The following GTF3C1 variants were observed in gnomAD, a reference collection of about 807,000 sequenced individuals.
The protein encoded by GTF3C1 is general transcription factor IIIC subunit 1, also known as general transcription factor 3C polypeptide 1.
In GTF3C1, 57 loss-of-function variants were observed where a neutral mutation model predicts 226.7. The ratio of observed to expected loss-of-function variants is 0.25; its 90% CI spans 0.20 to 0.31. The LOEUF (loss-of-function observed/expected upper bound fraction) is 0.31, where lower values mean the gene tolerates loss of function less well. Ranked by LOEUF, GTF3C1 falls within the 10% of genes least tolerant of loss-of-function variation. The pLI, the probability that GTF3C1 is intolerant of heterozygous loss-of-function variation, is 1.00. For missense variants in GTF3C1, 2,217 were observed against 2,776.1 expected (o/e 0.80, Z 4.53); for synonymous variants, 1,090 against 1,084.8 (o/e 1.00, Z -0.09).
intron 2 of GTF3C1, among the ~76,000 whole-genome samples, chr16:27,544,867 C>A (rs1488358312): frequency 2.0e-5 from 3 of 152,140 alleles, no homozygotes; most frequent in Non-Finnish European, 2.9e-5. Context: ...CAAGAACTGG[C>A]GTAGTGCAGG....
chr16:27,533,014 C>T (rs1299329928), intron 5 of GTF3C1, among the ~76,000 whole-genome samples: 1 of 152,142 alleles, frequency 6.6e-6, no homozygotes, highest in Non-Finnish European at 1.5e-5. Flanking sequence ...CACCTGTAAT[C>T]CCAGCTACTC....
intron 23 of GTF3C1, among the ~76,000 whole-genome samples, chr16:27,487,719 G>C (rs1164328319): frequency 6.6e-6 from 1 of 152,232 alleles, no homozygotes; most frequent in Admixed American, 6.5e-5. Context: ...CTTGAGCCCA[G>C]GAGGCGGAGG....
At chr16:27,494,436 C>T (rs1033800208) in intron 16 of GTF3C1, among the ~76,000 whole-genome samples, 1 of 151,304 alleles carries the variant, frequency 6.6e-6, no homozygotes, top group Non-Finnish European at 1.5e-5. Flanking sequence ...CAAAAAAAAC[C>T]ACGTTTTATT....
Position 27,498,824 on chromosome 16 carries a change from T to A in GTF3C1, c.2062-91A>T, listed in dbSNP as rs2088360565. ...TCGATTCCTAGTGGAACCTCAGTCA[T>A]ACCTGTTTTCATTAACATTTCCAAA... On this transcript the variant is annotated intron_variant, in intron 12 of 36. Transcript: ENST00000356183. 28 of 750,606 alleles carry A rather than the reference T, an allele frequency of 3.7e-5. No homozygotes were observed. The South Asian group carries it at 3.9e-4, about 11-fold the overall frequency. 46.5% of individuals were successfully genotyped at this position (750,606 alleles called of 1,614,324 possible).
chr16:27,519,726 A>AAG lies in GTF3C1; in HGVS notation c.974-7827_974-7826dup, dbSNP rs565772923. On this transcript the variant is annotated intron_variant, in intron 6 of 36. Coordinates refer to ENST00000356183, the MANE Select transcript of GTF3C1 (RefSeq NM_001520.4). ...AAAGAGAAAAGCAAACAAAAGAAAA[A>AAG]AGAGAGAGAGACAGAAGGAAAGAAA... Among the ~76,000 whole-genome samples, 7 of 152,326 alleles carry AAG rather than the reference A, an allele frequency of 4.6e-5. No homozygotes were observed. In the East Asian group the frequency reaches 1.3e-3, roughly 29 times the overall value.
chr16:27,462,672 G>T lies in GTF3C1; in HGVS notation c.5925-186C>A, dbSNP rs1057469949. On this transcript the variant is annotated intron_variant, in intron 35 of 36. Coordinates refer to ENST00000356183, the MANE Select transcript of GTF3C1 (RefSeq NM_001520.4). This position sits in a 1 kb window ranked among gnomAD's most constrained non-coding sequence, Gnocchi z 4.5. ...TGTCTGGACAGAGGGGCCCTTGACC[G>T]CCAGCTGGGTGGAACCAGGACGTGG... 2.8e-5 allele frequency: 16 copies of T among 575,180 alleles called. No individual in the cohort carries two copies. Among genetic ancestry groups the T allele is most frequent in the Non-Finnish European group, 4.7e-5 (15 of 321,772 alleles). 35.6% of individuals were successfully genotyped at this position (575,180 alleles called of 1,614,324 possible).
chr16:27,504,201 T>C (rs1294681470), intron 10 of GTF3C1, among the ~76,000 whole-genome samples: 3 of 152,144 alleles, frequency 2.0e-5, no homozygotes, highest in African/African-American at 7.2e-5. Flanking sequence ...ACCATGGTGC[T>C]GCCATTACTC....
In GTF3C1 at chr16:27,492,568, G is replaced by A. The variant is rs1262012846; in HGVS notation, c.2973+49C>T. The stretch of plus-strand genomic sequence containing the variant: ...CCCACATTGGGTCTGGCTGCTTGGA[G>A]ACCGTTTAACAATCAGAATTTCCTT... On this transcript the variant is annotated intron_variant, in intron 18 of 36. Transcript: ENST00000356183. The surrounding 1 kb of genome is among the most constrained non-coding windows in gnomAD (Gnocchi z 5.0). The A allele has an allele frequency of 6.5e-7, 1 of 1,544,000 alleles. No homozygotes were observed. The highest frequency in any genetic ancestry group is 1.4e-5 in the African/African-American group (1 of 73,656).
At position 27,476,393 on chromosome 16, in the gene GTF3C1, G is replaced by C. The variant is rs564926280; in HGVS notation, c.4353+58C>G. On this transcript the variant is annotated intron_variant, in intron 29 of 36. Transcript: ENST00000356183. ...AGAAGGGCAGGGGCCAGCACCTCAC[G>C]AGCCTGGCCTCGGAAGGGCCCACAT... 4.5e-6 allele frequency: 5 copies of C among 1,109,382 alleles called. No homozygotes were observed. In the Admixed American group the frequency reaches 7.1e-5, roughly 16 times the overall value. The allele number at this position is 1,109,382 out of a possible 1,614,324, so 68.7% of individuals were successfully genotyped here.
intron 6 of GTF3C1, among the ~76,000 whole-genome samples, chr16:27,520,040 G>A (rs1276011891): frequency 2.6e-5 from 4 of 152,184 alleles, no homozygotes; most frequent in Non-Finnish European, 1.5e-5. Context: ...CTCAGCCTGC[G>A]AGGCTAAGGC....
intron 29 of GTF3C1, 119 bp downstream of exon 29, chr16:27,476,332 G>C (rs2087949575): frequency 1.6e-6 from 1 of 624,558 alleles, no homozygotes; most frequent in Admixed American, 3.0e-5. Context: ...ATGTGGGCTG[G>C]CATTTTGGGG....
At chr16:27,546,943 T>A (rs1387385109) in intron 1 of GTF3C1, among the ~76,000 whole-genome samples, 1 of 152,050 alleles carries the variant, frequency 6.6e-6, no homozygotes, top group Non-Finnish European at 1.5e-5. Context: ...ATTTTTGTAT[T>A]TTTAGTAGAG....
intron 2 of GTF3C1, among the ~76,000 whole-genome samples, chr16:27,541,086 C>T (rs1305434369): frequency 1.3e-5 from 2 of 152,164 alleles, no homozygotes; most frequent in Non-Finnish European, 2.9e-5. Flanking sequence ...AGTGATCCAC[C>T]CCCCTCGGCC....
chr16:27,492,443 G>A lies in GTF3C1; in HGVS notation c.3046C>T (p.Arg1016Cys), dbSNP rs201589061. 18 of 1,610,798 alleles carry A rather than the reference G, an allele frequency of 1.1e-5. No individual in the cohort carries two copies. The highest frequency in any genetic ancestry group is 6.7e-5 in the East Asian group (3 of 44,860). Residue 1016 changes from arginine (R) to cysteine (C), a missense_variant, in exon 19 of 37, where the codon CGC becomes TGC. Arg to Cys is a radical substitution (Grantham distance 180). Coordinates refer to ENST00000356183, the MANE Select transcript of GTF3C1 (RefSeq NM_001520.4). This position sits in a 1 kb window ranked among gnomAD's most constrained non-coding sequence, Gnocchi z 5.0. ...TICDPHYNLA[R>C]SSRPFERRLY... Reference sequence around the variant, plus strand: ...CGCCTCTCGAAGGGCCGGCTGCTGCGGGCCAGGTTGTAATGTGGGTCGCAG... The same window carrying A: ...CGCCTCTCGAAGGGCCGGCTGCTGCAGGCCAGGTTGTAATGTGGGTCGCAG...
intron 7 of GTF3C1, among the ~76,000 whole-genome samples, chr16:27,510,279 G>A (rs376811600): frequency 2.4e-4 from 37 of 152,042 alleles, no homozygotes; most frequent in African/African-American, 7.7e-4. Context: ...CCAAGTACTC[G>A]GGAGGCTGAG....
intron 23 of GTF3C1, 41 bp from the exon 24 acceptor site, chr16:27,486,195 C>T: frequency 7.6e-7 from 1 of 1,314,320 alleles, no homozygotes. Context: ...CCTCTAACAC[C>T]TGGTTTGGAG....
At chr16:27,516,179 G>A (rs1351992481) in intron 6 of GTF3C1, among the ~76,000 whole-genome samples, 4 of 152,204 alleles carry the variant, frequency 2.6e-5, no homozygotes, top group South Asian at 2.1e-4. Context: ...CTCTGGTCAC[G>A]ATGGCTTGAC....
At chr16:27,511,510 C>A (rs1451528313) in intron 7 of GTF3C1, among the ~76,000 whole-genome samples, 1 of 152,174 alleles carries the variant, frequency 6.6e-6, no homozygotes, top group Non-Finnish European at 1.5e-5. Context: ...CTCTAAGATG[C>A]CTGCTTTACA....
Position 27,461,970 on chromosome 16 carries a change from C to T in GTF3C1, c.6117+324G>A. On this transcript the variant is annotated intron_variant, in intron 36 of 36. Coordinates refer to ENST00000356183, the MANE Select transcript of GTF3C1 (RefSeq NM_001520.4). The surrounding 1 kb of genome is among the most constrained non-coding windows in gnomAD (Gnocchi z 5.3). ...GGCCCCAGGCACACATGGGAGTCAG[C>T]CAAGCAGGAAGCAGCTGCACCAGGG... 2.5e-6 allele frequency: 1 copy of T among 392,870 alleles called. No individual in the cohort carries two copies. The highest frequency in any genetic ancestry group is 5.0e-5 in the South Asian group (1 of 20,134). 24.3% of individuals were successfully genotyped at this position (392,870 alleles called of 1,614,324 possible). A position where few individuals can be genotyped will look rare whatever the true frequency, so the allele number is the denominator to read the frequency against.
Sources: allele counts gnomAD v4.1 joint callset (sites outside exome capture counted in the v4.1 genomes callset), GRCh38; gene constraint gnomAD v4.1.1; non-coding constraint Gnocchi (gnomAD v3.1); transcripts MANE v1.5; gene names NCBI Gene and HGNC (gene_info 2026-07-23, HGNC 2026-07-21).